Variants in LSR observed in about 807,000 individuals in gnomAD.
LSR encodes the protein lipolysis stimulated lipoprotein receptor.
LSR carries 44 observed loss-of-function variants against 61.8 expected under a neutral mutation model. That is an observed-to-expected ratio of 0.71 (90% CI 0.56 to 0.91). LSR has a LOEUF of 0.91. Ranked by LOEUF, LSR falls within the 40% of genes least tolerant of loss-of-function variation. LSR has a pLI of 0.00. For missense variants in LSR, 911 were observed against 830.5 expected (o/e 1.10, Z -1.19); for synonymous variants, 397 against 350.6 (o/e 1.13, Z -1.48).
intron 4 of LSR, 66 bp downstream of exon 4, chr19:35,262,047 T>C: frequency 7.3e-7 from 1 of 1,377,534 alleles, no homozygotes; most frequent in African/African-American, 1.5e-5. Context: ...TGCTTCTGAC[T>C]CTAGTTAGTA....
At position 35,266,531 on chromosome 19, in the gene LSR, A is replaced by AG; in HGVS notation, c.952+1dup. The stretch of plus-strand genomic sequence containing the variant: ...CTGGAGACGTTGACAGGAGTAGCTC[A>AG]GGTGAGGCCGGGGGAAGCAGGAACA... On this transcript the variant is annotated frameshift_variant and splice_region_variant, in exon 6 of 10. Coordinates refer to ENST00000605618, the MANE Select transcript of LSR (RefSeq NM_205834.4). LOFTEE classifies it high-confidence loss of function. 1.2e-6 allele frequency: 2 copies of AG among 1,601,280 alleles called. No individual in the cohort carries two copies. The highest frequency in any genetic ancestry group is 1.7e-6 in the Non-Finnish European group (2 of 1,171,840).
At position 35,267,405 on chromosome 19, in the gene LSR, C is replaced by T. The variant is rs773419723; in HGVS notation, c.1441C>T (p.Arg481Cys). ...RSRAYMPPRS[R>C]SRDDLYDQDD... ...CCGGGCCTACATGCCCCCGCGGAGC[C>T]GCAGCCGGGACGACCTCTATGACCA... The change falls in exon 9 of 10, where the codon CGC becomes TGC. Residue 481 changes from arginine (R) to cysteine (C), a missense_variant. Physicochemically the swap from Arg to Cys is radical, Grantham distance 180 (BLOSUM62 -3). Transcript: ENST00000605618. The T allele has an allele frequency of 6.2e-7, 1 of 1,608,458 alleles. No homozygotes were observed. Among genetic ancestry groups the T allele is most frequent in the Admixed American group, 1.7e-5 (1 of 59,650 alleles).
At chr19:35,266,130 T>C (rs1453682523) in intron 5 of LSR, among the ~76,000 whole-genome samples, 2 of 152,122 alleles carry the variant, frequency 1.3e-5, no homozygotes, top group South Asian at 2.1e-4. Flanking sequence ...CTCTGAAAAA[T>C]CACACAGGAA....
rs1312316496 is a variant in LSR, at chr19:35,259,060, C to T, written c.570C>T (p.Val190=). The T allele has an allele frequency of 6.2e-7, 1 of 1,612,568 alleles. No individual in the cohort carries two copies. Among genetic ancestry groups the T allele is most frequent in the Non-Finnish European group, 8.5e-7 (1 of 1,178,842 alleles). Residue 190 remains valine, a synonymous_variant, in exon 3 of 10, where the codon GTC becomes GTT. Transcript: ENST00000605618. ...GNNEAYAELI[V]LGRTSGVAEL... ...ATGAGGCCTACGCAGAGCTCATCGT[C>T]CTTGGTGAGTGGGCCTGGGAAGGGG...
chr19:35,258,324 T>G (rs2145513209), intron 2 of LSR, among the ~76,000 whole-genome samples: 1 of 152,278 alleles, frequency 6.6e-6, no homozygotes, highest in Admixed American at 6.5e-5. Flanking sequence ...CAGGTGCCTA[T>G]AATCCCAGCT....
Position 35,266,379 on chromosome 19 carries a change from G to C in LSR, c.799G>C (p.Ala267Pro). 1.3e-6 allele frequency: 2 copies of C among 1,590,456 alleles called. No individual in the cohort carries two copies. The highest frequency in any genetic ancestry group is 1.1e-5 in the South Asian group (1 of 88,098). Residue 267 changes from alanine to proline, a missense_variant, in exon 6 of 10, where the codon GCC (alanine) becomes CCC (proline). Coordinates refer to ENST00000605618, the MANE Select transcript of LSR (RefSeq NM_205834.4). ...CACAGTGTATGCCGCCGGCAAAGCA[G>C]CCACCTCAGGTGTTCCCAGCATTTA... ...PEALYAAGKA[A>P]TSGVPSIYAP...
rs191737768 is a variant in LSR at position 35,250,725 on chromosome 19, C to T, written c.454+66C>T. On this transcript the variant is annotated intron_variant, in intron 2 of 9. Transcript: ENST00000605618. Reference sequence around the variant, plus strand: ...GGGTGGTGGGACTGGCGTCCTTGTGCGGGACCTGGAGTCCCCATCTGAAAG... The same window carrying T: ...GGGTGGTGGGACTGGCGTCCTTGTGTGGGACCTGGAGTCCCCATCTGAAAG... 34 of 1,302,932 alleles carry T rather than the reference C, an allele frequency of 2.6e-5. No individual in the cohort carries two copies. The Admixed American group carries it at 5.9e-4, about 23-fold the overall frequency. 80.7% of individuals were successfully genotyped at this position (1,302,932 alleles called of 1,614,324 possible).
In LSR at chr19:35,267,860, T is replaced by C. The variant is rs1431858459; in HGVS notation, c.*1T>C. 1.2e-6 allele frequency: 2 copies of C among 1,613,740 alleles called. No individual in the cohort carries two copies. The highest frequency in any genetic ancestry group is 2.2e-5 in the South Asian group (2 of 91,076). On this transcript the variant is annotated 3_prime_UTR_variant, in exon 10 of 10. Transcript: ENST00000605618. ...GAGTCGGGAAAGTTTAGTCGTCTGA[T>C]CTGACGTTTTCTACGTAGCTTTTGT...
At position 35,249,401 on chromosome 19, in the gene LSR, CTT is replaced by C. The variant is rs1241146656; in HGVS notation, c.109+272_109+273del. ...CCGGAGCGGCAGGGAGAATGGAACT[CTT>C]TGTGGGGAGGGAGTGGAAGACCGCC... On this transcript the variant is annotated intron_variant, in intron 1 of 9. Transcript: ENST00000605618. 6 of 475,138 alleles carry C rather than the reference CTT, an allele frequency of 1.3e-5. No homozygotes were observed. In the Admixed American group the frequency reaches 1.3e-4, roughly 10 times the overall value. The allele number at this position is 475,138 out of a possible 1,614,324, so 29.4% of individuals were successfully genotyped here.
chr19:35,257,687 G>T (rs75388480), intron 2 of LSR, among the ~76,000 whole-genome samples: 1 of 152,160 alleles, frequency 6.6e-6, no homozygotes, highest in Non-Finnish European at 1.5e-5. Flanking sequence ...TTTCCTGCCC[G>T]AGATGCCCAA....
Position 35,250,406 on chromosome 19 carries a change from G to T in LSR, c.201G>T (p.Met67Ile), listed in dbSNP as rs770385789. 3.1e-6 allele frequency: 5 copies of T among 1,613,502 alleles called. No homozygotes were observed. Among genetic ancestry groups the T allele is most frequent in the Non-Finnish European group, 4.2e-6 (5 of 1,179,798 alleles). Residue 67 changes from methionine to isoleucine, a missense_variant, in exon 2 of 10, where the codon ATG (methionine) becomes ATT (isoleucine). Met to Ile is a conservative substitution (Grantham distance 10). Coordinates refer to ENST00000605618, the MANE Select transcript of LSR (RefSeq NM_205834.4). Reference protein sequence around the residue: ...QPVTLPCTYQMTSTPTQPIVI... With the variant: ...QPVTLPCTYQITSTPTQPIVI... ...TGACCCTGCCCTGTACCTACCAGATGACCTCGACCCCCACGCAACCCATCG... is the reference window on the plus strand; with the variant it reads ...TGACCCTGCCCTGTACCTACCAGATTACCTCGACCCCCACGCAACCCATCG...
intron 3 of LSR, among the ~76,000 whole-genome samples, chr19:35,259,809 GCA>G (rs759469720): frequency 1.6e-3 from 241 of 152,340 alleles, no homozygotes; most frequent in Non-Finnish European, 2.7e-3. Context: ...GCGCTGCATG[GCA>G]CACACACTGT....
chr19:35,249,056 C>T lies in LSR; in HGVS notation c.34C>T (p.Leu12=), dbSNP rs373009795. ...ALLAGGLSRG[L]GSHPAAAGRD... Reference sequence around the variant, plus strand: ...GTTGGCCGGCGGGCTCTCCAGAGGGCTGGGCTCCCACCCGGCCGCCGCAGG... The same window carrying T: ...GTTGGCCGGCGGGCTCTCCAGAGGGTTGGGCTCCCACCCGGCCGCCGCAGG... The change falls in exon 1 of 10, where the codon CTG becomes TTG. Residue 12 remains leucine (L), a synonymous_variant. Coordinates refer to ENST00000605618, the MANE Select transcript of LSR (RefSeq NM_205834.4). 3.2e-4 allele frequency: 502 copies of T among 1,580,600 alleles called. 3 individuals are homozygous for T. In the African/African-American group the frequency reaches 6.3e-3, roughly 20 times the overall value.
intron 2 of LSR, among the ~76,000 whole-genome samples, chr19:35,256,953 C>T (rs2065864341): frequency 6.6e-6 from 1 of 152,116 alleles, no homozygotes; most frequent in African/African-American, 2.4e-5. Context: ...TCTCCTGCCT[C>T]AGCCTCCAGG....
At chr19:35,262,349 T>C (rs1016696197) in intron 4 of LSR, among the ~76,000 whole-genome samples, 197 bp from the exon 5 acceptor site, 1 of 152,114 alleles carries the variant, frequency 6.6e-6, no homozygotes, top group Non-Finnish European at 1.5e-5. Context: ...AACTGGGGAA[T>C]GGCCGGGATG....
rs548850882 is a variant in LSR at position 35,256,592 on chromosome 19, G to A, written c.455-2353G>A. Among the ~76,000 whole-genome samples, 7 of 152,260 alleles carry A rather than the reference G, an allele frequency of 4.6e-5. No homozygotes were observed. In the East Asian group the frequency reaches 1.4e-3, roughly 29 times the overall value. ...TCAGGATCTCCTGAAAACGTCTTGG[G>A]GAACCCCAGGGTCTAGAGGCTGCAG... On this transcript the variant is annotated intron_variant, in intron 2 of 9. Coordinates refer to ENST00000605618, the MANE Select transcript of LSR (RefSeq NM_205834.4).
At chr19:35,253,883 C>T (rs1262122398) in intron 2 of LSR, among the ~76,000 whole-genome samples, 4 of 152,150 alleles carry the variant, frequency 2.6e-5, no homozygotes, top group Admixed American at 6.5e-5. Context: ...GGCTCTGTCT[C>T]GGGGAAGGGG....
intron 1 of LSR, 74 bp downstream of exon 1, chr19:35,249,205 CGGCGGGA>C: frequency 6.8e-7 from 1 of 1,470,890 alleles, no homozygotes; most frequent in Non-Finnish European, 9.0e-7. Flanking sequence ...GAGTTGGAGG[CGGCGGGA>C]AGCGGGAAGC....
In LSR at chr19:35,249,421, A is replaced by C; in HGVS notation, c.109+290A>C. 9.2e-6 allele frequency: 4 copies of C among 434,044 alleles called. No individual in the cohort carries two copies. In the South Asian group the frequency reaches 1.4e-4, roughly 15 times the overall value. 26.9% of individuals were successfully genotyped at this position (434,044 alleles called of 1,614,324 possible). A position where few individuals can be genotyped will look rare whatever the true frequency, so the allele number is the denominator to read the frequency against. On this transcript the variant is annotated intron_variant, in intron 1 of 9. Transcript: ENST00000605618. The stretch of plus-strand genomic sequence containing the variant: ...GAACTCTTTGTGGGGAGGGAGTGGA[A>C]GACCGCCCGATCTCTGGGAAAAGAA...
Sources: allele counts gnomAD v4.1 joint callset (sites outside exome capture counted in the v4.1 genomes callset), GRCh38; gene constraint gnomAD v4.1.1; transcripts MANE v1.5; gene names NCBI Gene and HGNC (gene_info 2026-07-23, HGNC 2026-07-21).